The following FOXP2 variants were observed in gnomAD, a reference collection of about 807,000 sequenced individuals.
FOXP2 encodes forkhead box P2.
FOXP2 carries 12 observed loss-of-function variants against 115.8 expected under a neutral mutation model. That is an observed-to-expected ratio of 0.10 (90% confidence interval 0.07 to 0.17). The LOEUF (loss-of-function observed/expected upper bound fraction) is 0.17. Ranked by LOEUF, FOXP2 falls within the 10% of genes least tolerant of loss-of-function variation. FOXP2 has a pLI of 1.00. For missense variants in FOXP2, 629 were observed against 843.5 expected (o/e 0.75, Z 3.15); for synonymous variants, 328 against 297.7 (o/e 1.10, Z -1.05).
intron 1 of FOXP2, among the ~76,000 whole-genome samples, chr7:114,107,329 A>G (rs1005882702): frequency 1.3e-5 from 2 of 152,006 alleles, no homozygotes; most frequent in Non-Finnish European, 2.9e-5. Context: ...ATTTTATCCT[A>G]TGAAGTGAAC....
At chr7:114,686,553 C>T (rs1260101342) in intron 16 of FOXP2, among the ~76,000 whole-genome samples, 1 of 152,146 alleles carries the variant, frequency 6.6e-6, no homozygotes, top group Non-Finnish European at 1.5e-5. Context: ...TCTTGTAGCA[C>T]ATTCTAATAT....
At chr7:114,165,798 A>G (rs756482478) in intron 1 of FOXP2, among the ~76,000 whole-genome samples, 17 of 152,222 alleles carry the variant, frequency 1.1e-4, no homozygotes, top group Non-Finnish European at 2.2e-4. Flanking sequence ...GAAGAGGCCC[A>G]CATTAGCCAA....
At chr7:114,581,108 A>ACACACACACACAC (rs1801837348) in intron 3 of FOXP2, among the ~76,000 whole-genome samples, 2 of 96,226 alleles carry the variant, frequency 2.1e-5, no homozygotes, top group African/African-American at 4.3e-5. Context: ...CACACACACA[A>ACACACACACACAC]GCACACGGAC....
At chr7:114,215,247 T>C (rs1794456684) in intron 1 of FOXP2, among the ~76,000 whole-genome samples, 1 of 152,136 alleles carries the variant, frequency 6.6e-6, no homozygotes, top group Non-Finnish European at 1.5e-5. Context: ...AAGGAAATGG[T>C]TATTACCCAG....
intron 1 of FOXP2, among the ~76,000 whole-genome samples, chr7:114,421,070 G>A (rs950644925): frequency 1.3e-5 from 2 of 151,214 alleles, no homozygotes; most frequent in Non-Finnish European, 3.0e-5. Context: ...ACTTCTGAAG[G>A]GGGCTTCTGA....
chr7:114,531,914 G>T (rs1799161687), intron 2 of FOXP2, among the ~76,000 whole-genome samples: 2 of 151,870 alleles, frequency 1.3e-5, no homozygotes, highest in Admixed American at 6.6e-5. Flanking sequence ...ACGTAGCATT[G>T]ACATATTCCA....
Position 114,631,524 on chromosome 7 carries a change from CCAGCAGCAGCAGCAGCAG to C in FOXP2, c.603_620del (p.Gln204_Gln209del). The C allele has an allele frequency of 6.9e-7, 1 of 1,456,460 alleles. No individual in the cohort carries two copies. Among genetic ancestry groups the C allele is most frequent in the African/African-American group, 1.4e-5 (1 of 71,046 alleles). The allele number at this position is 1,456,460 out of a possible 1,614,324, so 90.2% of individuals were successfully genotyped here. On this transcript the variant is annotated splice_acceptor_variant and splice_polypyrimidine_tract_variant and coding_sequence_variant and intron_variant, in exon 6 of 17. Coordinates refer to ENST00000350908, the MANE Select transcript of FOXP2 (RefSeq NM_014491.4). LOFTEE classifies it high-confidence loss of function. ...GTTTACTGGTTTGGGTTTTCTGATA[CCAGCAGCAGCAGCAGCAG>C]CAGCAGCAACAGCAATTGGCAGCCC...
intron 2 of FOXP2, among the ~76,000 whole-genome samples, chr7:114,376,910 G>A (rs755115173): frequency 3.0e-4 from 46 of 152,138 alleles, no homozygotes; most frequent in Non-Finnish European, 5.4e-4. Flanking sequence ...TTTTATAGAC[G>A]TGAGTTTAGA....
intron 2 of FOXP2, among the ~76,000 whole-genome samples, chr7:114,400,342 A>T (rs1272521696): frequency 6.6e-6 from 1 of 152,118 alleles, no homozygotes; most frequent in Admixed American, 6.5e-5. Flanking sequence ...AGTCCCTCAT[A>T]AATTAATTTC....
At chr7:114,676,343 C>T (rs1056607845) in intron 16 of FOXP2, among the ~76,000 whole-genome samples, 1 of 152,040 alleles carries the variant, frequency 6.6e-6, no homozygotes, top group African/African-American at 2.4e-5. Context: ...TTGAACAAGT[C>T]TATATTGAAT....
intron 3 of FOXP2, among the ~76,000 whole-genome samples, chr7:114,536,475 T>C (rs1428908965): frequency 6.7e-6 from 1 of 150,320 alleles, no homozygotes; most frequent in Admixed American, 6.7e-5. Context: ...ATATACGTAC[T>C]TTTCCTTACA....
intron 2 of FOXP2, among the ~76,000 whole-genome samples, chr7:114,291,808 T>C (rs1796596163): frequency 6.8e-6 from 1 of 146,394 alleles, no homozygotes; most frequent in South Asian, 2.1e-4. Flanking sequence ...GCTAGCAAAA[T>C]GGAATCTATA....
At chr7:114,306,707 G>A (rs1322475938) in intron 2 of FOXP2, among the ~76,000 whole-genome samples, 1 of 152,106 alleles carries the variant, frequency 6.6e-6, no homozygotes, top group Non-Finnish European at 1.5e-5. Context: ...GTATGACATA[G>A]ATTTCACTGG....
At chr7:114,364,550 T>G (rs936230790) in intron 2 of FOXP2, among the ~76,000 whole-genome samples, 1 of 152,230 alleles carries the variant, frequency 6.6e-6, no homozygotes, top group Non-Finnish European at 1.5e-5. Flanking sequence ...TTAATCTTAC[T>G]TTCAGAAAAT....
intron 2 of FOXP2, among the ~76,000 whole-genome samples, chr7:114,361,783 C>G (rs898305067): frequency 6.6e-6 from 1 of 151,974 alleles, no homozygotes; most frequent in Non-Finnish European, 1.5e-5. Flanking sequence ...AAAGTAAAAG[C>G]CCACTCCAAA....
chr7:114,427,051 A>G (rs1793889273), intron 2 of FOXP2, among the ~76,000 whole-genome samples: 1 of 151,632 alleles, frequency 6.6e-6, no homozygotes, highest in Admixed American at 6.6e-5. Flanking sequence ...TTATACAATG[A>G]ATTTCTTCAA....
chr7:114,095,851 T>G (rs1302491315), intron 1 of FOXP2, among the ~76,000 whole-genome samples: 1 of 152,202 alleles, frequency 6.6e-6, no homozygotes, highest in Non-Finnish European at 1.5e-5. Context: ...AGTCTATGCA[T>G]TGTGCTACAT....
At chr7:114,661,590 G>T (rs1488746617) in intron 13 of FOXP2, among the ~76,000 whole-genome samples, 1 of 152,008 alleles carries the variant, frequency 6.6e-6, no homozygotes, top group Non-Finnish European at 1.5e-5. Flanking sequence ...TTATTATAGG[G>T]ATGAAAAGAA....
intron 2 of FOXP2, among the ~76,000 whole-genome samples, chr7:114,493,836 C>CTT (rs1189370677): frequency 7.0e-6 from 1 of 142,780 alleles, no homozygotes. Flanking sequence ...ACAATGTGGC[C>CTT]TTTTTTTTTT....
Sources: gnomAD v4.1 joint callset for allele counts (sites outside exome capture counted in the v4.1 genomes callset) on GRCh38, gnomAD v4.1.1 for gene constraint, MANE v1.5 for transcripts, NCBI Gene and HGNC (gene_info 2026-07-23, HGNC 2026-07-21) for gene names.